BCL2L1: variants seen among roughly 807,000 people sequenced by gnomAD.
BCL2L1 encodes bcl-2-like protein 1.
In BCL2L1, 1 loss-of-function variant was observed where a neutral mutation model predicts 18.7. The ratio of observed to expected loss-of-function variants is 0.05; its 90% CI spans 0.02 to 0.25. The LOEUF (loss-of-function observed/expected upper bound fraction) is 0.25. Among genes scored for constraint, BCL2L1 ranks in the 10% least tolerant of loss-of-function variants. BCL2L1 has a pLI of 1.00. For missense variants in BCL2L1, 207 were observed against 304.9 expected (o/e 0.68, Z 2.39); for synonymous variants, 103 against 122.7 (o/e 0.84, Z 1.06).
chr20:31,708,082 TCA>T (rs977599747), intron 2 of BCL2L1, among the ~76,000 whole-genome samples: 13 of 152,174 alleles, frequency 8.5e-5, no homozygotes, highest in African/African-American at 2.9e-4. Flanking sequence ...GGTTTTAACA[TCA>T]CACTGAGATG....
intron 2 of BCL2L1, among the ~76,000 whole-genome samples, chr20:31,703,999 T>C (rs1001904136): frequency 1.3e-5 from 2 of 150,762 alleles, no homozygotes; most frequent in Non-Finnish European, 1.5e-5. Flanking sequence ...GGTTTCGCCA[T>C]ATTGGTCAGG....
intron 2 of BCL2L1, among the ~76,000 whole-genome samples, chr20:31,713,949 TCATC>T (rs2061488738): frequency 6.6e-6 from 1 of 152,238 alleles, no homozygotes; most frequent in Non-Finnish European, 1.5e-5. Flanking sequence ...AACGGAGATG[TCATC>T]CTTCCTGCTC....
At chr20:31,695,198 C>T (rs1008843672) in intron 2 of BCL2L1, among the ~76,000 whole-genome samples, 2 of 152,232 alleles carry the variant, frequency 1.3e-5, no homozygotes, top group African/African-American at 2.4e-5. Context: ...TATCACCCAC[C>T]TGGCTTCTCA....
intron 2 of BCL2L1, among the ~76,000 whole-genome samples, chr20:31,670,938 C>T (rs2060659284): frequency 6.6e-6 from 1 of 152,186 alleles, no homozygotes; most frequent in Non-Finnish European, 1.5e-5. Context: ...GCCCCTACTG[C>T]ACCTTGGGTG....
intron 2 of BCL2L1, among the ~76,000 whole-genome samples, chr20:31,703,901 G>A (rs1173095430): frequency 8.0e-5 from 12 of 150,646 alleles, no homozygotes; most frequent in African/African-American, 2.7e-4. Context: ...AGGTTCAAGC[G>A]ATTCTCCTGC....
At chr20:31,673,808 T>G (rs1265219709) in intron 2 of BCL2L1, among the ~76,000 whole-genome samples, 1 of 152,240 alleles carries the variant, frequency 6.6e-6, no homozygotes, top group African/African-American at 2.4e-5. Flanking sequence ...AATCATCATA[T>G]TCACTTGAGA....
chr20:31,684,732 C>T (rs1309389518), intron 2 of BCL2L1, among the ~76,000 whole-genome samples: 1 of 152,216 alleles, frequency 6.6e-6, no homozygotes, highest in African/African-American at 2.4e-5. Context: ...TAAGAAGGGA[C>T]CATCCATTTC....
At chr20:31,676,110 T>G (rs1383906733) in intron 2 of BCL2L1, among the ~76,000 whole-genome samples, 1 of 151,900 alleles carries the variant, frequency 6.6e-6, no homozygotes, top group Non-Finnish European at 1.5e-5. Context: ...AGAACCAGGG[T>G]GATGGGCTTG....
At chr20:31,720,531 G>C (rs1255825181) in intron 2 of BCL2L1, 2 of 985,278 alleles carry the variant, frequency 2.0e-6, no homozygotes, top group Non-Finnish European at 2.4e-6. Context: ...GTGACCACTG[G>C]TAAAGAAGCT....
intron 2 of BCL2L1, among the ~76,000 whole-genome samples, chr20:31,676,533 C>T (rs185356745): frequency 5.6e-4 from 85 of 152,258 alleles, no homozygotes; most frequent in Admixed American, 5.1e-3. Flanking sequence ...CTCATTTCAA[C>T]CCTGGTGACT....
At chr20:31,668,408 T>G (rs909329575) in intron 2 of BCL2L1, among the ~76,000 whole-genome samples, 2 of 151,564 alleles carry the variant, frequency 1.3e-5, no homozygotes, top group African/African-American at 4.9e-5. Context: ...CAACCTTTGC[T>G]TCCTGGGTAC....
chr20:31,695,891 T>A (rs1600849262), intron 2 of BCL2L1, among the ~76,000 whole-genome samples: 1 of 152,180 alleles, frequency 6.6e-6, no homozygotes. Context: ...CCTTTTCCCA[T>A]CCCTAATCCC....
chr20:31,715,324 C>A (rs952518449), intron 2 of BCL2L1, among the ~76,000 whole-genome samples: 3 of 151,714 alleles, frequency 2.0e-5, no homozygotes, highest in African/African-American at 7.3e-5. Context: ...AAATCCTCAT[C>A]ATGGTCTGTA....
intron 2 of BCL2L1, among the ~76,000 whole-genome samples, chr20:31,691,157 A>T (rs1183677584): frequency 4.9e-4 from 29 of 58,894 alleles, no homozygotes; most frequent in African/African-American, 3.3e-3. Flanking sequence ...TGTCTCAAAA[A>T]AAAAAAAAAA....
chr20:31,707,965 T>C (rs948469310), intron 2 of BCL2L1, among the ~76,000 whole-genome samples: 5 of 152,062 alleles, frequency 3.3e-5, no homozygotes, highest in African/African-American at 1.2e-4. Context: ...ATGGAATTTC[T>C]CCCAAGGAGG....
At chr20:31,686,970 C>G (rs1364781136) in intron 2 of BCL2L1, among the ~76,000 whole-genome samples, 1 of 152,160 alleles carries the variant, frequency 6.6e-6, no homozygotes, top group Non-Finnish European at 1.5e-5. Flanking sequence ...GTTTTCTAAT[C>G]TGGACAATGA....
intron 2 of BCL2L1, among the ~76,000 whole-genome samples, chr20:31,672,234 G>A (rs926893197): frequency 1.3e-5 from 2 of 152,054 alleles, no homozygotes; most frequent in African/African-American, 4.8e-5. Flanking sequence ...GGAGGCCGAG[G>A]CAGGCAGATC....
chr20:31,717,330 A>G (rs537128854), intron 2 of BCL2L1, among the ~76,000 whole-genome samples: 49 of 152,290 alleles, frequency 3.2e-4, no homozygotes, highest in African/African-American at 1.1e-3. Context: ...CATGCAGCCC[A>G]AACAAATCTG....
intron 2 of BCL2L1, among the ~76,000 whole-genome samples, chr20:31,684,178 A>T (rs2122560265): frequency 6.6e-6 from 1 of 152,284 alleles, no homozygotes; most frequent in Admixed American, 6.5e-5. Context: ...GTGGACAAAG[A>T]GACTGAATCT....
Sources: allele counts gnomAD v4.1 joint callset (sites outside exome capture counted in the v4.1 genomes callset), GRCh38; gene constraint gnomAD v4.1.1; transcripts MANE v1.5; gene names NCBI Gene and HGNC (gene_info 2026-07-23, HGNC 2026-07-21).